Variants in HSPA12A observed in about 807,000 individuals in gnomAD.
The protein encoded by HSPA12A is heat shock 70 kDa protein 12A.
A neutral mutation model predicts 69.2 loss-of-function variants in HSPA12A; 28 were observed. That is an observed-to-expected ratio of 0.40 (90% CI 0.30 to 0.55). HSPA12A has a LOEUF of 0.55. Among genes scored for constraint, HSPA12A ranks in the 20% least tolerant of loss-of-function variants. The pLI, the probability that HSPA12A is intolerant of heterozygous loss-of-function variation, is 0.38. For synonymous variants in HSPA12A, 345 were observed against 370.5 expected, an observed-to-expected ratio of 0.93 and a Z score of 0.79; for missense variants, 686 against 900.7, an observed-to-expected ratio of 0.76 and a Z score of 3.05.
chr10:116,790,004 A>C (rs977853778), intron 2 of HSPA12A, among the ~76,000 whole-genome samples: 1 of 150,940 alleles, frequency 6.6e-6, no homozygotes, highest in African/African-American at 2.4e-5. Flanking sequence ...CCCACGCTCC[A>C]TCAGTAGCTT....
chr10:116,814,755 C>T (rs776948581), intron 2 of HSPA12A, among the ~76,000 whole-genome samples: 9 of 152,198 alleles, frequency 5.9e-5, no homozygotes, highest in Admixed American at 2.0e-4. Context: ...ATGAGTACCA[C>T]GGACCATTGC....
intron 2 of HSPA12A, among the ~76,000 whole-genome samples, chr10:116,806,470 G>C (rs1845070189): frequency 6.6e-6 from 1 of 152,164 alleles, no homozygotes; most frequent in Non-Finnish European, 1.5e-5. Context: ...GCCTCCCAAA[G>C]TGCTGGGATT....
intron 2 of HSPA12A, among the ~76,000 whole-genome samples, chr10:116,817,919 A>T (rs1209897050): frequency 2.0e-5 from 3 of 152,290 alleles, no homozygotes; most frequent in East Asian, 1.9e-4. Context: ...GACATCCTGG[A>T]TCATTCGCCA....
At chr10:116,798,930 G>A (rs910113682) in intron 2 of HSPA12A, among the ~76,000 whole-genome samples, 5 of 151,868 alleles carry the variant, frequency 3.3e-5, no homozygotes, top group Non-Finnish European at 7.4e-5. Flanking sequence ...ACAAGGCACC[G>A]CACAGCCAGA....
intron 2 of HSPA12A, among the ~76,000 whole-genome samples, chr10:116,819,278 C>T (rs1345901834): frequency 6.6e-6 from 1 of 152,190 alleles, no homozygotes; most frequent in Non-Finnish European, 1.5e-5. Context: ...TCTTAGATTC[C>T]CTGGGTCCCC....
At chr10:116,687,763 C>G (rs1178103491) in intron 6 of HSPA12A, among the ~76,000 whole-genome samples, 1 of 152,240 alleles carries the variant, frequency 6.6e-6, no homozygotes, top group Non-Finnish European at 1.5e-5. Flanking sequence ...AGAACACTCT[C>G]CGTCTTTGCT....
intron 2 of HSPA12A, among the ~76,000 whole-genome samples, chr10:116,766,098 C>T (rs1844072125): frequency 6.6e-6 from 1 of 152,212 alleles, no homozygotes; most frequent in Non-Finnish European, 1.5e-5. Flanking sequence ...CTCTCCACCT[C>T]CTCTGCCCCC....
At chr10:116,771,864 C>T (rs1016401449) in intron 2 of HSPA12A, among the ~76,000 whole-genome samples, 2 of 152,220 alleles carry the variant, frequency 1.3e-5, no homozygotes, top group Admixed American at 6.5e-5. Context: ...CTGCTGGGGG[C>T]GGTGGGGAGG....
At chr10:116,784,474 T>C (rs1844533278) in intron 2 of HSPA12A, among the ~76,000 whole-genome samples, 3 of 152,246 alleles carry the variant, frequency 2.0e-5, no homozygotes, top group Admixed American at 2.0e-4. Flanking sequence ...AGTTCATCTG[T>C]CCTGTTCATT....
chr10:116,737,307 C>A (rs1407327317), intron 1 of HSPA12A, among the ~76,000 whole-genome samples: 1 of 152,188 alleles, frequency 6.6e-6, no homozygotes, highest in East Asian at 1.9e-4. Flanking sequence ...CATACCTAAG[C>A]TCATTACAAA....
rs1047005176 is a variant in HSPA12A, at chr10:116,698,664, G to A, written c.517C>T (p.Leu173=). The change falls in exon 5 of 12, where the codon CTG becomes TTG. Residue 173 remains leucine, a synonymous_variant. Coordinates refer to ENST00000369209, the MANE Select transcript of HSPA12A (RefSeq NM_025015.3). Reference sequence around the variant, plus strand: ...AGCGCCTGCTCCTTAAAGTACTGCAGGGCATAAGCAAAGATTTCAAGGGCT... The same window carrying A: ...AGCGCCTGCTCCTTAAAGTACTGCAAGGCATAAGCAAAGATTTCAAGGGCT... ...VKALEIFAYA[L]QYFKEQALKE... The A allele has an allele frequency of 7.4e-6, 12 of 1,613,840 alleles. No individual in the cohort carries two copies. Among genetic ancestry groups the A allele is most frequent in the Non-Finnish European group, 1.0e-5 (12 of 1,179,856 alleles).
intron 1 of HSPA12A, among the ~76,000 whole-genome samples, chr10:116,715,066 G>A (rs1850565569): frequency 6.6e-6 from 1 of 152,176 alleles, no homozygotes; most frequent in Admixed American, 6.5e-5. Flanking sequence ...TTCTCCTAAA[G>A]ATAATCACAA....
chr10:116,675,981 G>C lies in HSPA12A; in HGVS notation c.1390+418C>G, dbSNP rs938319480. On this transcript the variant is annotated intron_variant, in intron 11 of 11. Transcript: ENST00000369209. This position sits in a 1 kb window ranked among gnomAD's most constrained non-coding sequence, Gnocchi z 5.2. Reference sequence around the variant, plus strand: ...AGTTCCTTCTCCCCTAGCAGGGTGAGGATGTCTAACATGTCCCAGTAAAGC... The same window carrying C: ...AGTTCCTTCTCCCCTAGCAGGGTGACGATGTCTAACATGTCCCAGTAAAGC... 6.6e-5 allele frequency among the ~76,000 whole-genome samples: 10 copies of C among 152,220 alleles called. No individual in the cohort carries two copies. The highest frequency in any genetic ancestry group is 1.5e-4 in the Non-Finnish European group (10 of 68,048).
At position 116,705,294 on chromosome 10, in the gene HSPA12A, G is replaced by A. The variant is rs1309267464; in HGVS notation, c.127-16C>T. The A allele has an allele frequency of 1.9e-6, 3 of 1,613,846 alleles. No individual in the cohort carries two copies. Among genetic ancestry groups the A allele is most frequent in the Non-Finnish European group, 2.5e-6 (3 of 1,179,936 alleles). On this transcript the variant is annotated splice_polypyrimidine_tract_variant and intron_variant, in intron 2 of 11. Transcript: ENST00000369209. ...CAGTGTCGTTCTGCAGATATACAGT[G>A]AGGCATGGGGGGTGTGGAGGGGTGG... is the stretch of plus-strand genomic sequence containing the variant.
intron 2 of HSPA12A, among the ~76,000 whole-genome samples, chr10:116,790,088 C>CTT: frequency 7.8e-6 from 1 of 127,520 alleles, no homozygotes; most frequent in South Asian, 2.7e-4. Flanking sequence ...CCCTGATAAT[C>CTT]TTTCTTTTTT....
chr10:116,723,531 C>T lies in HSPA12A; in HGVS notation c.41-16246G>A, dbSNP rs1228570116. ...TCTCAGGTCTCAGTTTCCACAAGTA[C>T]GTACCAGGCTAACAACTGTCTCTCT... is the stretch of plus-strand genomic sequence containing the variant. On this transcript the variant is annotated intron_variant, in intron 1 of 11. Coordinates refer to ENST00000369209, the MANE Select transcript of HSPA12A (RefSeq NM_025015.3). This position sits in a 1 kb window ranked among gnomAD's most constrained non-coding sequence, Gnocchi z 4.1. Among the ~76,000 whole-genome samples the T allele has an allele frequency of 5.9e-5, 9 of 152,184 alleles. No homozygotes were observed. The highest frequency in any genetic ancestry group is 5.2e-4 in the Admixed American group (8 of 15,282).
chr10:116,784,205 C>G (rs1209123348), intron 2 of HSPA12A, among the ~76,000 whole-genome samples: 1 of 152,238 alleles, frequency 6.6e-6, no homozygotes, highest in Non-Finnish European at 1.5e-5. Flanking sequence ...CATTTCCCAG[C>G]TTCCCTTGTG....
chr10:116,786,107 G>A (rs1410437923), intron 2 of HSPA12A, among the ~76,000 whole-genome samples: 1 of 152,212 alleles, frequency 6.6e-6, no homozygotes, highest in Admixed American at 6.5e-5. Flanking sequence ...CCCACGTGGA[G>A]CCTCTCGGGT....
chr10:116,805,644 C>G (rs542329905), intron 2 of HSPA12A, among the ~76,000 whole-genome samples: 1 of 152,252 alleles, frequency 6.6e-6, no homozygotes, highest in South Asian at 2.1e-4. Context: ...CACTGATCAA[C>G]GATGCCAGTT....
Sources: gnomAD v4.1 joint callset for allele counts (sites outside exome capture counted in the v4.1 genomes callset) on GRCh38, gnomAD v4.1.1 for gene constraint, Gnocchi (gnomAD v3.1) non-coding constraint, MANE v1.5 for transcripts, NCBI Gene and HGNC (gene_info 2026-07-23, HGNC 2026-07-21) for gene names.